Variants in ARHGAP29 observed in about 807,000 individuals in gnomAD.
The protein encoded by ARHGAP29 is Rho GTPase activating protein 29, also known as rho GTPase-activating protein 29.
Under a neutral mutation model 122.6 loss-of-function variants are expected in ARHGAP29, and 43 were observed. The ratio of observed to expected loss-of-function variants is 0.35; its 90% CI spans 0.27 to 0.45. ARHGAP29 has a LOEUF of 0.45. Among genes scored for constraint, ARHGAP29 ranks in the 20% least tolerant of loss-of-function variants. The pLI is 1.00. For synonymous variants in ARHGAP29, 506 were observed against 497.1 expected (o/e 1.02, Z -0.24); for missense variants, 1,303 against 1,477.2 (o/e 0.88, Z 1.93).
intron 2 of ARHGAP29, among the ~76,000 whole-genome samples, chr1:94,226,874 C>T (rs1652643161): frequency 6.6e-6 from 1 of 151,892 alleles, no homozygotes; most frequent in African/African-American, 2.4e-5. Flanking sequence ...CAGAGCAGTA[C>T]ACATCTGAGG....
chr1:94,189,353 C>T lies in ARHGAP29; in HGVS notation c.1440-1G>A. Reference sequence around the variant, plus strand: ...ACTATTTAAATGTTTATTTACATTTCTGAAACAACAACAATGACAAAAAAC... The same window carrying T: ...ACTATTTAAATGTTTATTTACATTTTTGAAACAACAACAATGACAAAAAAC... On this transcript the variant is annotated splice_acceptor_variant, in intron 13 of 22. Transcript: ENST00000260526. LOFTEE classifies it high-confidence loss of function. 1.9e-6 allele frequency: 3 copies of T among 1,603,798 alleles called. No homozygotes were observed. The highest frequency in any genetic ancestry group is 2.6e-6 in the Non-Finnish European group (3 of 1,176,384).
chr1:94,184,013 A>G lies in ARHGAP29; in HGVS notation c.2247+138T>C, dbSNP rs1239718265. On this transcript the variant is annotated intron_variant, in intron 19 of 22. Transcript: ENST00000260526. The stretch of plus-strand genomic sequence containing the variant: ...ACATGTATTTCATATACTCTGACCT[A>G]TGCACTAATCATTAGCAAGATACCT... 10 of 875,248 alleles carry G rather than the reference A, an allele frequency of 1.1e-5. No individual in the cohort carries two copies. The East Asian group carries it at 2.5e-4, about 22-fold the overall frequency. The allele number at this position is 875,248 out of a possible 1,614,324, so 54.2% of individuals were successfully genotyped here.
the ARHGAP29 span, among the ~76,000 whole-genome samples, chr1:94,311,306 T>A: frequency 6.6e-6 from 1 of 152,146 alleles, no homozygotes; most frequent in Non-Finnish European, 1.5e-5. Flanking sequence ...AGCATTGATT[T>A]CCCTCTGTTC....
chr1:94,247,728 G>A (rs904389876), intron 1 of ARHGAP29: 81 of 748,664 alleles, frequency 1.1e-4, no homozygotes, highest in Middle Eastern at 6.5e-4. Context: ...CCACCACAGC[G>A]GCCGCCGCCT....
chr1:94,286,966 T>A, the ARHGAP29 span, among the ~76,000 whole-genome samples: 1 of 152,132 alleles, frequency 6.6e-6, no homozygotes, highest in Non-Finnish European at 1.5e-5. Flanking sequence ...ATTACGACAC[T>A]ATCAACCTGG....
At chr1:94,309,261 G>A in the ARHGAP29 span, among the ~76,000 whole-genome samples, 1 of 152,226 alleles carries the variant, frequency 6.6e-6, no homozygotes, top group Non-Finnish European at 1.5e-5. Context: ...GGAAACTGAG[G>A]CTCAAAAGAA....
chr1:94,198,381 G>A (rs1274680232), intron 12 of ARHGAP29, among the ~76,000 whole-genome samples: 1 of 152,072 alleles, frequency 6.6e-6, no homozygotes, highest in Non-Finnish European at 1.5e-5. Context: ...GGGAGGCTGA[G>A]GATTGCTTGA....
intron 2 of ARHGAP29, among the ~76,000 whole-genome samples, chr1:94,221,100 G>A (rs531388960): frequency 6.6e-6 from 1 of 152,222 alleles, no homozygotes; most frequent in South Asian, 2.1e-4. Flanking sequence ...GAGCGATGCA[G>A]TTTTATTACA....
intron 5 of ARHGAP29, among the ~76,000 whole-genome samples, chr1:94,208,559 G>A (rs1651366847): frequency 6.6e-6 from 1 of 151,292 alleles, no homozygotes; most frequent in African/African-American, 2.4e-5. Flanking sequence ...TCCCGGGTTC[G>A]AGCAATTCTC....
intron 1 of ARHGAP29, among the ~76,000 whole-genome samples, chr1:94,234,242 T>C (rs1051147032): frequency 6.6e-6 from 1 of 152,382 alleles, no homozygotes; most frequent in East Asian, 1.9e-4. Flanking sequence ...CATAGCACAA[T>C]GCTTGGCGTA....
chr1:94,288,026 G>T, the ARHGAP29 span, among the ~76,000 whole-genome samples: 1 of 152,162 alleles, frequency 6.6e-6, no homozygotes, highest in Non-Finnish European at 1.5e-5. Context: ...CCAGTAATGG[G>T]ATTGCTGGGT....
intron 15 of ARHGAP29, among the ~76,000 whole-genome samples, chr1:94,187,518 T>C (rs796430560): frequency 1.3e-5 from 2 of 152,262 alleles, no homozygotes; most frequent in African/African-American, 4.8e-5. Flanking sequence ...TCCCTATAAA[T>C]CCCAGCCTTG....
Position 94,172,499 on chromosome 1 carries a change from G to A in ARHGAP29, c.*1370C>T, listed in dbSNP as rs940442912. 1.3e-5 allele frequency: 2 copies of A among 151,880 alleles called. No homozygotes were observed. Among genetic ancestry groups the A allele is most frequent in the Non-Finnish European group, 2.9e-5 (2 of 67,982 alleles). 9.4% of individuals were successfully genotyped at this position (151,880 alleles called of 1,614,324 possible). On this transcript the variant is annotated 3_prime_UTR_variant, in exon 23 of 23. Transcript: ENST00000260526. ...TCATTCCACATTGTAGTCAACGGAT[G>A]TATGATCCTAGGTGTTGACTTCTAA...
chr1:94,191,208 G>A (rs1213811118), intron 12 of ARHGAP29: 5 of 152,154 alleles, frequency 3.3e-5, no homozygotes, highest in Admixed American at 3.3e-4. Context: ...GAAGCTGGTG[G>A]AGCATTTTAC....
In ARHGAP29 at chr1:94,186,086, C is replaced by T. The variant is rs78934747; in HGVS notation, c.1780+413G>A. Among the ~76,000 whole-genome samples the T allele has an allele frequency of 1.7e-3, 254 of 152,304 alleles. 3 individuals are homozygous for T. The highest frequency in any genetic ancestry group is 5.7e-3 in the African/African-American group (238 of 41,566). ...TAACTGATTTAACTTTATCCTTCAA[C>T]ATCCACAACTTCCTTGTCCTCAAGA... On this transcript the variant is annotated intron_variant, in intron 16 of 22. Transcript: ENST00000260526.
At position 94,190,019 on chromosome 1, in the gene ARHGAP29, G is replaced by C; in HGVS notation, c.1346C>G (p.Ser449Cys). The change falls in exon 13 of 23, where the codon TCT becomes TGT. Residue 449 changes from serine (S) to cysteine (C), a missense_variant. Physicochemically the swap from Ser to Cys is moderately radical, Grantham distance 112 (BLOSUM62 -1). Transcript: ENST00000260526. ...QAASLADSLQ[S>C]LCDSAKLYDP... ...ATAGAGTTTGGCACTATCACAGAGA[G>C]ACTGTAAACTGTCTGCAAGGGAAGC... The C allele has an allele frequency of 6.2e-7, 1 of 1,613,530 alleles. No homozygotes were observed.
intron 1 of ARHGAP29, among the ~76,000 whole-genome samples, chr1:94,254,781 T>C (rs1194012747): frequency 6.6e-6 from 1 of 152,234 alleles, no homozygotes; most frequent in Admixed American, 6.5e-5. Context: ...AGAAGGACCC[T>C]GTGAAGATGT....
rs79740616 is a variant in ARHGAP29 at position 94,177,640 on chromosome 1, C to T, written c.2877G>A (p.Ala959=). ...SFEESERKQN[A]LGKCDACLSD... is the part of the protein sequence containing the mutation. ...TGAGACATGCATCACATTTTCCTAA[C>T]GCATTTTGCTTGCGTTCTGATTCCT... The change falls in exon 22 of 23, where the codon GCG becomes GCA. Residue 959 remains alanine, a synonymous_variant. Coordinates refer to ENST00000260526, the MANE Select transcript of ARHGAP29 (RefSeq NM_004815.4). The T allele has an allele frequency of 8.1e-4, 1,311 of 1,612,604 alleles. 14 individuals are homozygous for T. In the African/African-American group the frequency reaches 0.015, roughly 19 times the overall value.
chr1:94,307,794 TAC>T, the ARHGAP29 span, among the ~76,000 whole-genome samples: 2 of 152,204 alleles, frequency 1.3e-5, no homozygotes, highest in African/African-American at 4.8e-5. Flanking sequence ...TTAAAAGCTA[TAC>T]ATTAAATAGA....
Sources: gnomAD v4.1 joint callset for allele counts (sites outside exome capture counted in the v4.1 genomes callset) on GRCh38, gnomAD v4.1.1 for gene constraint, MANE v1.5 for transcripts, NCBI Gene and HGNC (gene_info 2026-07-23, HGNC 2026-07-21) for gene names.